Variants in CDH22 observed in about 807,000 individuals in gnomAD.
CDH22 encodes cadherin 22.
A neutral mutation model predicts 58.4 loss-of-function variants in CDH22; 30 were observed. The observed-to-expected ratio is 0.51, with a 90% CI of 0.38 to 0.70. The LOEUF is 0.70. Ranked by LOEUF, CDH22 falls within the 30% of genes least tolerant of loss-of-function variation. The pLI, the probability that CDH22 is intolerant of heterozygous loss-of-function variation, is 0.00. For missense variants in CDH22, 1,014 were observed against 1,233.9 expected (o/e 0.82, Z 2.67); for synonymous variants, 513 against 558.2 (o/e 0.92, Z 1.14).
At chr20:46,280,816 G>A (rs1257949259) in intron 1 of CDH22, among the ~76,000 whole-genome samples, 1 of 152,218 alleles carries the variant, frequency 6.6e-6, no homozygotes, top group African/African-American at 2.4e-5. Flanking sequence ...TGAATGTTAT[G>A]TCCTGCTCTC....
chr20:46,222,246 C>G (rs1002399632), intron 4 of CDH22, among the ~76,000 whole-genome samples: 1 of 152,192 alleles, frequency 6.6e-6, no homozygotes, highest in African/African-American at 2.4e-5. Context: ...GAAATCCATG[C>G]TGGTCTTGTT....
At chr20:46,240,725 G>A (rs1568670221) in intron 3 of CDH22, among the ~76,000 whole-genome samples, 1 of 152,112 alleles carries the variant, frequency 6.6e-6, no homozygotes, top group South Asian at 2.1e-4. Context: ...GTCCACATGC[G>A]GGTCCACGTT....
rs866043214 is a variant in CDH22, at chr20:46,178,352, T to C, written c.1664-155A>G. On this transcript the variant is annotated intron_variant, in intron 10 of 11. Transcript: ENST00000537909. Reference sequence around the variant, plus strand: ...GGGTCTCTTCTCTGATCTCCCAAAATTCTATTACCAGATGCCTCCAAATTC... The same window carrying C: ...GGGTCTCTTCTCTGATCTCCCAAAACTCTATTACCAGATGCCTCCAAATTC... Among the ~76,000 whole-genome samples the C allele has an allele frequency of 5.9e-5, 9 of 152,110 alleles. No individual in the cohort carries two copies. The South Asian group carries it at 1.7e-3, about 28-fold the overall frequency.
chr20:46,254,231 G>C (rs184020429), intron 1 of CDH22, among the ~76,000 whole-genome samples: 4 of 152,150 alleles, frequency 2.6e-5, no homozygotes, highest in Admixed American at 2.6e-4. Context: ...GCCAGTCCAT[G>C]TGCTGGGCAC....
intron 2 of CDH22, among the ~76,000 whole-genome samples, chr20:46,249,229 C>T (rs939968958): frequency 1.3e-5 from 2 of 152,188 alleles, no homozygotes; most frequent in African/African-American, 4.8e-5. Context: ...AGCCTTCATT[C>T]TTAGCTGTTT....
chr20:46,306,806 G>A (rs1232274817), intron 1 of CDH22, among the ~76,000 whole-genome samples: 1 of 152,182 alleles, frequency 6.6e-6, no homozygotes, highest in Non-Finnish European at 1.5e-5. Context: ...GTTTCAACAA[G>A]GGCTGTAGAC....
intron 1 of CDH22, among the ~76,000 whole-genome samples, chr20:46,305,934 A>G (rs747014160): frequency 2.0e-5 from 3 of 152,176 alleles, no homozygotes; most frequent in Non-Finnish European, 2.9e-5. Flanking sequence ...GGGGGTTCCA[A>G]CCTCTAGGTA....
intron 2 of CDH22, among the ~76,000 whole-genome samples, chr20:46,243,752 T>A (rs2086309362): frequency 6.6e-6 from 1 of 152,208 alleles, no homozygotes; most frequent in Non-Finnish European, 1.5e-5. Context: ...TGTTGTCTGC[T>A]TATTTCATCA....
Position 46,210,633 on chromosome 20 carries a change from A to ACCCC in CDH22, c.1033-74_1033-73insGGGG. On this transcript the variant is annotated intron_variant, in intron 6 of 11. Transcript: ENST00000537909. The surrounding 1 kb of genome is among the most constrained non-coding windows in gnomAD (Gnocchi z 4.5). Reference sequence around the variant, plus strand: ...ACTGAGGCCTTCACGAGGGAGGCCAAGGCAGGCGGGGTTGGCCCAAGGTCA... The same window carrying ACCCC: ...ACTGAGGCCTTCACGAGGGAGGCCAACCCCGGCAGGCGGGGTTGGCCCAAGGTCA... 2 of 1,356,632 alleles carry ACCCC rather than the reference A, an allele frequency of 1.5e-6. No homozygotes were observed. Among genetic ancestry groups the ACCCC allele is most frequent in the Non-Finnish European group, 1.9e-6 (2 of 1,037,724 alleles). 84.0% of individuals were successfully genotyped at this position (1,356,632 alleles called of 1,614,324 possible).
intron 5 of CDH22, among the ~76,000 whole-genome samples, chr20:46,214,748 C>A (rs1407542976): frequency 6.6e-6 from 1 of 152,254 alleles, no homozygotes; most frequent in Non-Finnish European, 1.5e-5. Context: ...CTCCAGGGAA[C>A]CTTCCCAGAC....
At chr20:46,229,297 C>CT (rs1311001865) in intron 3 of CDH22, among the ~76,000 whole-genome samples, 1 of 148,452 alleles carries the variant, frequency 6.7e-6, no homozygotes, top group African/African-American at 2.5e-5. Flanking sequence ...TGGCCCCCCC[C>CT]CCCAATTTTA....
At chr20:46,243,519 A>T (rs1003837569) in intron 2 of CDH22, among the ~76,000 whole-genome samples, 11 of 152,192 alleles carry the variant, frequency 7.2e-5, no homozygotes, top group African/African-American at 2.7e-4. Flanking sequence ...TAGATTTCTC[A>T]TAAGTGGCTG....
In CDH22 at chr20:46,231,120, G is replaced by A. The variant is rs193130141; in HGVS notation, c.551-3493C>T. Among the ~76,000 whole-genome samples, 34 of 152,316 alleles carry A rather than the reference G, an allele frequency of 2.2e-4. No individual in the cohort carries two copies. In the East Asian group the frequency reaches 6.0e-3, roughly 27 times the overall value. ...ACTTCCAGAAGTAGAGCTGGGACTG[G>A]TTGACAGGAGCGGGCTGCTGTCCGT... On this transcript the variant is annotated intron_variant, in intron 3 of 11. Coordinates refer to ENST00000537909, the MANE Select transcript of CDH22 (RefSeq NM_021248.3).
intron 10 of CDH22, among the ~76,000 whole-genome samples, chr20:46,184,443 G>T (rs182400901): frequency 6.6e-6 from 1 of 152,006 alleles, no homozygotes; most frequent in Non-Finnish European, 1.5e-5. Flanking sequence ...AAACACCTAC[G>T]ATATGCCAAG....
At chr20:46,222,747 C>T (rs1252486322) in intron 4 of CDH22, among the ~76,000 whole-genome samples, 4 of 152,234 alleles carry the variant, frequency 2.6e-5, no homozygotes, top group Non-Finnish European at 4.4e-5. Flanking sequence ...CCATCCCTGT[C>T]GCCCCTGTGG....
rs977913838 is a variant in CDH22, at chr20:46,308,316, A to T, written c.-461T>A. 3 of 166,046 alleles carry T rather than the reference A, an allele frequency of 1.8e-5. No homozygotes were observed. The highest frequency in any genetic ancestry group is 3.9e-5 in the Non-Finnish European group (3 of 77,546). 10.3% of individuals were successfully genotyped at this position (166,046 alleles called of 1,614,324 possible). A position where few individuals can be genotyped will look rare whatever the true frequency, so the allele number is the denominator to read the frequency against. On this transcript the variant is annotated 5_prime_UTR_variant, in exon 1 of 12. Transcript: ENST00000537909. This position sits in a 1 kb window ranked among gnomAD's most constrained non-coding sequence, Gnocchi z 4.3. ...GCCTCGGGACGCTGCGTGGGGCGGGAGCCCCGGCGCGGGCAGCGGGCGAGT... is the reference window on the plus strand; with the variant it reads ...GCCTCGGGACGCTGCGTGGGGCGGGTGCCCCGGCGCGGGCAGCGGGCGAGT...
chr20:46,296,880 C>G, intron 1 of CDH22, among the ~76,000 whole-genome samples: 1 of 152,180 alleles, frequency 6.6e-6, no homozygotes, highest in East Asian at 1.9e-4. Context: ...TCTCCCAGCC[C>G]GTAAGACGAG....
chr20:46,222,512 T>C (rs1418257154), intron 4 of CDH22, among the ~76,000 whole-genome samples: 1 of 152,234 alleles, frequency 6.6e-6, no homozygotes, highest in East Asian at 1.9e-4. Flanking sequence ...TCTGGCTCAG[T>C]TGACAATTTT....
At position 46,174,476 on chromosome 20, in the gene CDH22, G is replaced by C; in HGVS notation, c.*30C>G. On this transcript the variant is annotated 3_prime_UTR_variant, in exon 12 of 12. Transcript: ENST00000537909. This position sits in a 1 kb window ranked among gnomAD's most constrained non-coding sequence, Gnocchi z 4.4. Reference sequence around the variant, plus strand: ...GCCCCGGCGTGTGCTGGGCGGGTGAGCAGCCGCGCCCCGACGGCAGGGCGA... The same window carrying C: ...GCCCCGGCGTGTGCTGGGCGGGTGACCAGCCGCGCCCCGACGGCAGGGCGA... 7.1e-7 allele frequency: 1 copy of C among 1,405,672 alleles called. No homozygotes were observed. Among genetic ancestry groups the C allele is most frequent in the Non-Finnish European group, 9.3e-7 (1 of 1,078,012 alleles). The allele number at this position is 1,405,672 out of a possible 1,614,324, so 87.1% of individuals were successfully genotyped here.
Sources: gnomAD v4.1 joint callset for allele counts (sites outside exome capture counted in the v4.1 genomes callset) on GRCh38, gnomAD v4.1.1 for gene constraint, Gnocchi (gnomAD v3.1) non-coding constraint, MANE v1.5 for transcripts, NCBI Gene and HGNC (gene_info 2026-07-23, HGNC 2026-07-21) for gene names.